Variants in AGBL4 observed in about 807,000 individuals in gnomAD.
AGBL4 encodes AGBL carboxypeptidase 4, also known as cytosolic carboxypeptidase 6.
A neutral mutation model predicts 66.4 loss-of-function variants in AGBL4; 58 were observed. The ratio of observed to expected loss-of-function variants is 0.87; its 90% CI spans 0.71 to 1.09. The LOEUF (loss-of-function observed/expected upper bound fraction) is 1.09. Ranked by LOEUF, AGBL4 falls within the 50% of genes least tolerant of loss-of-function variation. The probability of loss-of-function intolerance (pLI) is 0.00; values close to 1 mark genes in which losing one functional copy is unlikely to be tolerated. For missense variants in AGBL4, 579 were observed against 631.0 expected (o/e 0.92, Z 0.88); for synonymous variants, 234 against 222.9 (o/e 1.05, Z -0.44).
At chr1:49,501,172 T>C (rs999323023) in intron 3 of AGBL4, among the ~76,000 whole-genome samples, 4 of 152,136 alleles carry the variant, frequency 2.6e-5, no homozygotes, top group African/African-American at 9.6e-5. Context: ...AGTTCTTCAT[T>C]TGATTCTCAA....
intron 3 of AGBL4, among the ~76,000 whole-genome samples, chr1:49,564,378 A>C (rs868553232): frequency 6.6e-6 from 1 of 151,988 alleles, no homozygotes; most frequent in African/African-American, 2.4e-5. Context: ...TTGCTTCTCT[A>C]GTTCTTTTAA....
chr1:49,973,719 G>A (rs1355546537), intron 1 of AGBL4, among the ~76,000 whole-genome samples: 1 of 147,806 alleles, frequency 6.8e-6, no homozygotes, highest in Non-Finnish European at 1.5e-5. Context: ...ATTATATATT[G>A]TATATCATTA....
chr1:49,276,440 T>C (rs1034985215), intron 3 of AGBL4, among the ~76,000 whole-genome samples: 1 of 152,188 alleles, frequency 6.6e-6, no homozygotes, highest in Non-Finnish European at 1.5e-5. Flanking sequence ...AATATATTTA[T>C]TTGGCATATT....
chr1:48,819,955 T>C (rs1646274233), intron 6 of AGBL4, among the ~76,000 whole-genome samples: 1 of 152,198 alleles, frequency 6.6e-6, no homozygotes, highest in Non-Finnish European at 1.5e-5. Context: ...TCTCCAATCA[T>C]AGTATTCCCT....
chr1:48,676,996 G>A (rs1362450828), intron 6 of AGBL4, among the ~76,000 whole-genome samples: 1 of 152,228 alleles, frequency 6.6e-6, no homozygotes, highest in African/African-American at 2.4e-5. Context: ...CCTGGGTCTC[G>A]GTTTCACCAT....
intron 5 of AGBL4, among the ~76,000 whole-genome samples, chr1:48,885,661 C>A (rs1650249483): frequency 6.6e-6 from 1 of 152,172 alleles, no homozygotes; most frequent in Admixed American, 6.5e-5. Context: ...CCTATCATGG[C>A]ATTTTTAATC....
intron 5 of AGBL4, among the ~76,000 whole-genome samples, chr1:48,934,496 T>G (rs576779878): frequency 2.0e-4 from 31 of 152,330 alleles, no homozygotes; most frequent in Non-Finnish European, 3.5e-4. Context: ...AGGTCCTTTC[T>G]GTTCAGCTTC....
intron 6 of AGBL4, among the ~76,000 whole-genome samples, chr1:48,713,118 C>T (rs572989382): frequency 6.6e-6 from 1 of 152,208 alleles, no homozygotes; most frequent in South Asian, 2.1e-4. Flanking sequence ...GAGCAAGACA[C>T]AGTCCCTGCT....
At chr1:48,776,568 GC>G in intron 6 of AGBL4, 1 of 476,942 alleles carries the variant, frequency 2.1e-6, no homozygotes. Flanking sequence ...CCCAGCCCCC[GC>G]CCGGGTCCCA....
At chr1:49,166,329 C>T (rs1416417202) in intron 4 of AGBL4, among the ~76,000 whole-genome samples, 1 of 152,044 alleles carries the variant, frequency 6.6e-6, no homozygotes, top group African/African-American at 2.4e-5. Flanking sequence ...CTGGCATGAT[C>T]GAAACTCTAA....
chr1:48,700,919 C>T (rs921784084), intron 6 of AGBL4, among the ~76,000 whole-genome samples: 7 of 152,180 alleles, frequency 4.6e-5, no homozygotes, highest in African/African-American at 1.7e-4. Flanking sequence ...TATCTTTGTT[C>T]TTTCCCTTCT....
At chr1:48,661,671 C>T (rs937777902) in intron 7 of AGBL4, among the ~76,000 whole-genome samples, 3 of 152,184 alleles carry the variant, frequency 2.0e-5, no homozygotes, top group Non-Finnish European at 4.4e-5. Context: ...CTGCCTCAGT[C>T]GTTACCTGTG....
intron 2 of AGBL4, among the ~76,000 whole-genome samples, chr1:49,753,801 G>A (rs929908961): frequency 4.6e-5 from 7 of 151,820 alleles, no homozygotes; most frequent in East Asian, 3.9e-4. Context: ...TTGTCTTCAC[G>A]CTTTATTTCA....
At chr1:49,955,958 T>A (rs1192867198) in intron 1 of AGBL4, among the ~76,000 whole-genome samples, 1 of 151,912 alleles carries the variant, frequency 6.6e-6, no homozygotes, top group East Asian at 1.9e-4. Context: ...CATATCTCAT[T>A]CATTAACAGG....
intron 13 of AGBL4, among the ~76,000 whole-genome samples, chr1:48,534,607 T>A (rs1643939468): frequency 6.6e-6 from 1 of 152,214 alleles, no homozygotes; most frequent in South Asian, 2.1e-4. Context: ...AAATTGAAGA[T>A]GTGGCTTTTG....
intron 4 of AGBL4, among the ~76,000 whole-genome samples, chr1:49,130,327 A>T (rs1362965344): frequency 6.6e-6 from 1 of 152,050 alleles, no homozygotes; most frequent in East Asian, 1.9e-4. Flanking sequence ...ATTAGATCCC[A>T]TTTGTCAATT....
chr1:49,077,440 T>A (rs953888466), intron 4 of AGBL4, among the ~76,000 whole-genome samples: 1 of 152,128 alleles, frequency 6.6e-6, no homozygotes, highest in Non-Finnish European at 1.5e-5. Flanking sequence ...AAACTGTACT[T>A]CACATGAACA....
intron 1 of AGBL4, among the ~76,000 whole-genome samples, chr1:50,007,247 A>C (rs548859018): frequency 6.6e-6 from 1 of 152,302 alleles, no homozygotes; most frequent in East Asian, 1.9e-4. Flanking sequence ...AAAAATCAGA[A>C]ATTAAAATAT....
chr1:49,248,603 G>A (rs539626531), intron 3 of AGBL4, among the ~76,000 whole-genome samples: 92 of 152,076 alleles, frequency 6.0e-4, no homozygotes, highest in South Asian at 2.1e-3. Context: ...TTCCCTACAC[G>A]TTCTGCGAGT....
Sources: gnomAD v4.1 joint callset for allele counts (sites outside exome capture counted in the v4.1 genomes callset) on GRCh38, gnomAD v4.1.1 for gene constraint, MANE v1.5 for transcripts, NCBI Gene and HGNC (gene_info 2026-07-23, HGNC 2026-07-21) for gene names.